TTLL4: variants seen among roughly 807,000 people sequenced by gnomAD.
TTLL4 encodes the protein tubulin tyrosine ligase like 4.
Under a neutral mutation model 122.7 loss-of-function variants are expected in TTLL4, and 85 were observed. The ratio of observed to expected loss-of-function variants is 0.69; its 90% CI spans 0.58 to 0.83. The LOEUF is 0.83. Ranked by LOEUF, TTLL4 falls within the 40% of genes least tolerant of loss-of-function variation. TTLL4 has a pLI of 0.00. For synonymous variants in TTLL4, 553 were observed against 563.0 expected (o/e 0.98, Z 0.25); for missense variants, 1,363 against 1,488.6 (o/e 0.92, Z 1.39).
Position 218,754,649 on chromosome 2 carries a change from G to A in TTLL4, c.*260G>A. The stretch of plus-strand genomic sequence containing the variant: ...CTCATATCTCAGCAGAGAAGCCAGT[G>A]GTGGCCACGCAGCCTTATAAAGCAG... On this transcript the variant is annotated 3_prime_UTR_variant, in exon 20 of 20. Coordinates refer to ENST00000392102, the MANE Select transcript of TTLL4 (RefSeq NM_014640.5). 1.8e-6 allele frequency: 1 copy of A among 548,522 alleles called. No individual in the cohort carries two copies. The highest frequency in any genetic ancestry group is 3.2e-6 in the Non-Finnish European group (1 of 311,438). 34.0% of individuals were successfully genotyped at this position (548,522 alleles called of 1,614,324 possible). A position where few individuals can be genotyped will look rare whatever the true frequency, so the allele number is the denominator to read the frequency against.
At chr2:218,736,818 C>G (rs960968194) in intron 2 of TTLL4, among the ~76,000 whole-genome samples, 6 of 150,876 alleles carry the variant, frequency 4.0e-5, no homozygotes, top group East Asian at 1.9e-4. Flanking sequence ...ATTTAGGGAG[C>G]AGTAGATGTA....
chr2:218,752,977 A>T lies in TTLL4; in HGVS notation c.3187+4A>T, dbSNP rs1327285680. On this transcript the variant is annotated splice_donor_region_variant and intron_variant, in intron 17 of 19. Coordinates refer to ENST00000392102, the MANE Select transcript of TTLL4 (RefSeq NM_014640.5). The stretch of plus-strand genomic sequence containing the variant: ...TACCATGGCAACAAGCTTAAAGGTG[A>T]TGTGCCCTCCCTGCCCTCAGAAAGC... 6.2e-7 allele frequency: 1 copy of T among 1,614,200 alleles called. No individual in the cohort carries two copies. Among genetic ancestry groups the T allele is most frequent in the Admixed American group, 1.7e-5 (1 of 60,016 alleles).
At chr2:218,723,488 C>G (rs766861798) in intron 1 of TTLL4, among the ~76,000 whole-genome samples, 4 of 152,172 alleles carry the variant, frequency 2.6e-5, no homozygotes, top group Non-Finnish European at 4.4e-5. Context: ...AATATGCCTT[C>G]CCTTGAACTC....
At chr2:218,725,220 T>C (rs1942154901) in intron 1 of TTLL4, among the ~76,000 whole-genome samples, 1 of 151,952 alleles carries the variant, frequency 6.6e-6, no homozygotes, top group East Asian at 1.9e-4. Flanking sequence ...TTTTAAGAGA[T>C]GATAACTTTT....
At chr2:218,748,761 C>G (rs1942931495) in intron 12 of TTLL4, 75 bp from the exon 13 acceptor site, 1 of 1,324,910 alleles carries the variant, frequency 7.5e-7, no homozygotes, top group Non-Finnish European at 1.1e-6. Flanking sequence ...CATTAGGTCT[C>G]TTCTTCGTTT....
chr2:218,747,391 T>C lies in TTLL4; in HGVS notation c.2249+19T>C. 1 of 1,611,636 alleles carries C rather than the reference T, an allele frequency of 6.2e-7. No homozygotes were observed. The highest frequency in any genetic ancestry group is 8.5e-7 in the Non-Finnish European group (1 of 1,178,750). On this transcript the variant is annotated intron_variant, in intron 10 of 19. Transcript: ENST00000392102. This position sits in a 1 kb window ranked among gnomAD's most constrained non-coding sequence, Gnocchi z 4.7. The stretch of plus-strand genomic sequence containing the variant: ...TACAGAGGTGAGCCTGTAGCACATA[T>C]CCCTTACCCCATCCTCCCACCTCCT...
Position 218,739,028 on chromosome 2 carries a change from C to T in TTLL4, c.1352C>T (p.Ala451Val). The T allele has an allele frequency of 6.2e-7, 1 of 1,614,232 alleles. No homozygotes were observed. Among genetic ancestry groups the T allele is most frequent in the Admixed American group, 1.7e-5 (1 of 60,032 alleles). Residue 451 changes from alanine to valine, a missense_variant, in exon 3 of 20, where the codon GCT (alanine) becomes GTT (valine). Around this residue, in one of 3 missense-constraint regions of TTLL4, gnomAD observed 760 missense variants for 808.4 expected, o/e 0.94. Coordinates refer to ENST00000392102, the MANE Select transcript of TTLL4 (RefSeq NM_014640.5). Reference protein sequence around the residue: ...IDSSAFGEGKAPGPPFPQTLG... With the variant: ...IDSSAFGEGKVPGPPFPQTLG... ...TCCTCAGCATTTGGAGAAGGCAAAG[C>T]TCCAGGTCCCCCTTTTCCTCAAACT...
In TTLL4 at chr2:218,748,081, T is replaced by C. The variant is rs1942898026; in HGVS notation, c.2379-24T>C. 1.9e-6 allele frequency: 3 copies of C among 1,614,112 alleles called. No homozygotes were observed. In the East Asian group the frequency reaches 6.7e-5, roughly 36 times the overall value. On this transcript the variant is annotated intron_variant, in intron 11 of 19. Transcript: ENST00000392102. ...ATCTGCTCTGTTACCATCTTACCTCTGCCTTTTGTTTCCTTACTTCCAGGT... is the reference window on the plus strand; with the variant it reads ...ATCTGCTCTGTTACCATCTTACCTCCGCCTTTTGTTTCCTTACTTCCAGGT...
chr2:218,712,690 A>T (rs551118077), intron 1 of TTLL4, among the ~76,000 whole-genome samples: 6 of 152,086 alleles, frequency 3.9e-5, no homozygotes, highest in African/African-American at 1.4e-4. Context: ...CCCGGCCCCA[A>T]TGAACTCTTT....
chr2:218,753,535 G>T, intron 18 of TTLL4, 49 bp from the exon 19 acceptor site: 1 of 1,584,038 alleles, frequency 6.3e-7, no homozygotes, highest in Non-Finnish European at 8.7e-7. Flanking sequence ...AAACACTCCT[G>T]CCTTGCCTCC....
At chr2:218,751,680 C>T (rs982949427) in intron 15 of TTLL4, 24 bp from the exon 16 acceptor site, 1 of 1,608,708 alleles carries the variant, frequency 6.2e-7, no homozygotes. Context: ...CTGCCCTTTG[C>T]TTTCTTTCTG....
intron 2 of TTLL4, among the ~76,000 whole-genome samples, chr2:218,735,418 A>T (rs901543364): frequency 3.2e-4 from 49 of 152,098 alleles, no homozygotes; most frequent in African/African-American, 8.9e-4. Context: ...AAAAAAATTT[A>T]AAAAAATCAA....
At chr2:218,720,978 A>C (rs1942019191) in intron 1 of TTLL4, among the ~76,000 whole-genome samples, 1 of 152,232 alleles carries the variant, frequency 6.6e-6, no homozygotes, top group South Asian at 2.1e-4. Flanking sequence ...TGAAACCTGC[A>C]TAAAAACCCA....
chr2:218,733,822 AG>A (rs1942444283), intron 2 of TTLL4, among the ~76,000 whole-genome samples: 1 of 152,124 alleles, frequency 6.6e-6, no homozygotes, highest in Non-Finnish European at 1.5e-5. Flanking sequence ...CTTGGCACTG[AG>A]GGTTCATGTG....
chr2:218,724,792 A>T (rs1942140571), intron 1 of TTLL4, among the ~76,000 whole-genome samples: 1 of 152,056 alleles, frequency 6.6e-6, no homozygotes, highest in African/African-American at 2.4e-5. Flanking sequence ...TTCTAGTAGT[A>T]TGGTTTAATT....
intron 2 of TTLL4, among the ~76,000 whole-genome samples, chr2:218,731,411 CA>C (rs892504493): frequency 1.3e-3 from 183 of 137,438 alleles, no homozygotes; most frequent in Non-Finnish European, 1.4e-3. Context: ...ACTCTGTTTC[CA>C]AAAAAAAAAA....
chr2:218,746,050 T>C (rs1575179337), intron 7 of TTLL4, 105 bp from the exon 8 acceptor site: 1 of 1,405,108 alleles, frequency 7.1e-7, no homozygotes, highest in Non-Finnish European at 1.0e-6. Context: ...AGCAACTCTT[T>C]GAAAACCAAG....
Position 218,749,981 on chromosome 2 carries a change from G to T in TTLL4, c.2736-28G>T. On this transcript the variant is annotated intron_variant, in intron 14 of 19. Transcript: ENST00000392102. ...AGAGACTGTTTCGGAGTGCTGCTTT[G>T]ACCACTCTTTTTATCCTTTTTCTGA... 4 of 1,612,240 alleles carry T rather than the reference G, an allele frequency of 2.5e-6. No individual in the cohort carries two copies. The South Asian group carries it at 4.4e-5, about 18-fold the overall frequency.
chr2:218,746,356 A>G (rs987727910), intron 8 of TTLL4, 125 bp downstream of exon 8: 241 of 1,026,994 alleles, frequency 2.3e-4, no homozygotes, highest in African/African-American at 7.5e-4. Flanking sequence ...AGGAAGGTGT[A>G]CAGAGGAGAA....
Sources: gnomAD v4.1 joint callset for allele counts (sites outside exome capture counted in the v4.1 genomes callset) on GRCh38, gnomAD v4.1.1 for gene constraint, gnomAD v4.1.1 regional missense constraint, Gnocchi (gnomAD v3.1) non-coding constraint, MANE v1.5 for transcripts, NCBI Gene and HGNC (gene_info 2026-07-23, HGNC 2026-07-21) for gene names.